TMEM178B: variants seen among roughly 807,000 people sequenced by gnomAD.
TMEM178B encodes transmembrane protein 178B.
A neutral mutation model predicts 31.0 loss-of-function variants in TMEM178B; 5 were observed. The ratio of observed to expected loss-of-function variants is 0.16; its 90% CI spans 0.08 to 0.34. The LOEUF is 0.34. Among genes scored for constraint, TMEM178B ranks in the 10% least tolerant of loss-of-function variants. TMEM178B has a pLI of 1.00. For missense variants in TMEM178B, 275 were observed against 400.3 expected (o/e 0.69, Z 2.67); for synonymous variants, 164 against 164.0 (o/e 1.00, Z 0.00).
At chr7:141,492,575 G>A in the TMEM178B span, among the ~76,000 whole-genome samples, 17 of 152,330 alleles carry the variant, frequency 1.1e-4, no homozygotes, top group East Asian at 2.9e-3. Context: ...TAGGAACCAC[G>A]TAGATATGGA....
chr7:141,404,996 C>G (rs920360716), intron 2 of TMEM178B, among the ~76,000 whole-genome samples: 2 of 152,240 alleles, frequency 1.3e-5, no homozygotes, highest in African/African-American at 4.8e-5. Flanking sequence ...CACGGAGCTC[C>G]TGTTCTGGGC....
intron 2 of TMEM178B, among the ~76,000 whole-genome samples, chr7:141,371,348 A>G (rs537126090): frequency 4.6e-5 from 7 of 152,118 alleles, no homozygotes; most frequent in African/African-American, 1.4e-4. Context: ...CTTTTGTCAA[A>G]TGATCTGCAC....
intron 2 of TMEM178B, among the ~76,000 whole-genome samples, chr7:141,378,962 C>A (rs1800265925): frequency 6.6e-6 from 1 of 152,182 alleles, no homozygotes; most frequent in Non-Finnish European, 1.5e-5. Flanking sequence ...GACATAACAG[C>A]AGTCTGTTTC....
intron 2 of TMEM178B, among the ~76,000 whole-genome samples, chr7:141,297,307 G>A (rs1017910577): frequency 1.3e-5 from 2 of 152,136 alleles, no homozygotes; most frequent in African/African-American, 4.8e-5. Flanking sequence ...AGTGTTGTGG[G>A]AGCAATGTCA....
intron 3 of TMEM178B, among the ~76,000 whole-genome samples, chr7:141,466,044 A>G (rs115666339): frequency 0.04 from 6,099 of 152,260 alleles, 424 homozygotes; most frequent in African/African-American, 0.14. Context: ...TATTAAAAAC[A>G]TATAAATCCT....
At chr7:141,269,144 G>A (rs1769551069) in intron 2 of TMEM178B, among the ~76,000 whole-genome samples, 1 of 148,110 alleles carries the variant, frequency 6.8e-6, no homozygotes, top group African/African-American at 2.5e-5. Flanking sequence ...AGGCTGGAGT[G>A]CAGTGGCATG....
intron 2 of TMEM178B, among the ~76,000 whole-genome samples, chr7:141,227,170 G>A (rs1192296263): frequency 6.6e-6 from 1 of 152,224 alleles, no homozygotes; most frequent in Non-Finnish European, 1.5e-5. Context: ...GGCAGAGGCC[G>A]GGGCTGGAAG....
intron 1 of TMEM178B, among the ~76,000 whole-genome samples, chr7:141,157,091 G>A (rs936835498): frequency 3.9e-5 from 6 of 152,134 alleles, no homozygotes; most frequent in African/African-American, 7.2e-5. Flanking sequence ...GTGGAAACAC[G>A]CAGTACTTCT....
intron 1 of TMEM178B, among the ~76,000 whole-genome samples, chr7:141,089,707 G>T (rs1794847809): frequency 6.6e-6 from 1 of 152,188 alleles, no homozygotes; most frequent in Non-Finnish European, 1.5e-5. Context: ...CATGTCCTTT[G>T]TAGGGACATG....
intron 2 of TMEM178B, among the ~76,000 whole-genome samples, chr7:141,235,167 G>A (rs144211441): frequency 3.9e-5 from 6 of 152,286 alleles, no homozygotes; most frequent in African/African-American, 9.6e-5. Flanking sequence ...CTGATTTTCC[G>A]TGAAGCTGGG....
At chr7:141,108,956 C>A (rs1019927782) in intron 1 of TMEM178B, among the ~76,000 whole-genome samples, 1 of 152,130 alleles carries the variant, frequency 6.6e-6, no homozygotes, top group Admixed American at 6.5e-5. Context: ...AAAGGCACTT[C>A]TTACATGGTG....
chr7:141,110,742 G>A (rs1795219923), intron 1 of TMEM178B, among the ~76,000 whole-genome samples: 1 of 152,178 alleles, frequency 6.6e-6, no homozygotes. Flanking sequence ...AAATTCATAT[G>A]TTGAAGCCCT....
At chr7:141,178,786 C>A (rs1796472716) in intron 1 of TMEM178B, among the ~76,000 whole-genome samples, 1 of 152,158 alleles carries the variant, frequency 6.6e-6, no homozygotes, top group Non-Finnish European at 1.5e-5. Context: ...TGGCTGCTGT[C>A]AGTTTGCCGG....
intron 1 of TMEM178B, among the ~76,000 whole-genome samples, chr7:141,180,255 A>G (rs1796499098): frequency 6.6e-6 from 1 of 152,064 alleles, no homozygotes; most frequent in Non-Finnish European, 1.5e-5. Flanking sequence ...CTGGTCGATC[A>G]CCTGAGGTCA....
intron 3 of TMEM178B, among the ~76,000 whole-genome samples, chr7:141,445,773 G>A (rs921149491): frequency 6.6e-6 from 1 of 152,180 alleles, no homozygotes; most frequent in African/African-American, 2.4e-5. Flanking sequence ...AGAAGTATCT[G>A]TGAGCTATCA....
rs1260619618 is a variant in TMEM178B at position 141,472,313 on chromosome 7, A to G, written c.*1527A>G. 1 of 152,160 alleles carries G rather than the reference A, an allele frequency of 6.6e-6. No individual in the cohort carries two copies. Among genetic ancestry groups the G allele is most frequent in the African/African-American group, 2.4e-5 (1 of 41,422 alleles). 9.4% of individuals were successfully genotyped at this position (152,160 alleles called of 1,614,324 possible). A position where few individuals can be genotyped will look rare whatever the true frequency, so the allele number is the denominator to read the frequency against. ...CCATCCTCTTCCTTTCCCTCTTGAT[A>G]TTCAAGGCCATGAATCCCAAAATAA... is the stretch of plus-strand genomic sequence containing the variant. On this transcript the variant is annotated 3_prime_UTR_variant, in exon 4 of 4. Coordinates refer to ENST00000565468, the MANE Select transcript of TMEM178B (RefSeq NM_001195278.2).
chr7:141,329,892 G>A (rs943112683), intron 2 of TMEM178B, among the ~76,000 whole-genome samples: 2 of 152,182 alleles, frequency 1.3e-5, no homozygotes, highest in East Asian at 3.9e-4. Flanking sequence ...CACAAAGAGG[G>A]GAACTCATCA....
intron 2 of TMEM178B, among the ~76,000 whole-genome samples, chr7:141,278,862 C>A: frequency 6.6e-6 from 1 of 151,996 alleles, no homozygotes; most frequent in Non-Finnish European, 1.5e-5. Context: ...TTCCAACGGG[C>A]AAAATAAGGG....
intron 1 of TMEM178B, among the ~76,000 whole-genome samples, chr7:141,102,027 T>C (rs1386038768): frequency 2.0e-5 from 3 of 151,942 alleles, no homozygotes; most frequent in African/African-American, 7.3e-5. Context: ...ATGTTTGAGG[T>C]GAGACTCAGC....
Sources: gnomAD v4.1 joint callset for allele counts (sites outside exome capture counted in the v4.1 genomes callset) on GRCh38, gnomAD v4.1.1 for gene constraint, MANE v1.5 for transcripts, NCBI Gene and HGNC (gene_info 2026-07-23, HGNC 2026-07-21) for gene names.